MDN1: variants seen among roughly 807,000 people sequenced by gnomAD.
MDN1 encodes the protein midasin.
In MDN1, 266 loss-of-function variants were observed where a neutral mutation model predicts 669.2. The observed-to-expected ratio is 0.40, with a 90% confidence interval of 0.36 to 0.44. The LOEUF is 0.44. Ranked by LOEUF, MDN1 falls within the 20% of genes least tolerant of loss-of-function variation. The pLI is 1.00. For synonymous variants in MDN1, 2,385 were observed against 2,457.1 expected, an observed-to-expected ratio of 0.97 and a Z score of 0.87; for missense variants, 5,940 against 6,754.0, an observed-to-expected ratio of 0.88 and a Z score of 4.22.
At chr6:89,745,145 A>AAG (rs937616093) in intron 29 of MDN1, 128 bp downstream of exon 29, 3 of 964,890 alleles carry the variant, frequency 3.1e-6, no homozygotes, top group Admixed American at 3.8e-5. Context: ...AAAAAAAAAA[A>AAG]AAAAAAAGAA....
chr6:89,750,897 C>CTGGCCAAGTA lies in MDN1; in HGVS notation c.3228-375_3228-366dup, dbSNP rs1449441985. Among the ~76,000 whole-genome samples, 3 of 142,580 alleles carry CTGGCCAAGTA rather than the reference C, an allele frequency of 2.1e-5. No homozygotes were observed. In the Admixed American group the frequency reaches 2.2e-4, roughly 10 times the overall value. 93.5% of individuals were successfully genotyped at this position (142,580 alleles called of 152,430 possible). A position where few individuals can be genotyped will look rare whatever the true frequency, so the allele number is the denominator to read the frequency against. ...GGATTACAGGCATGAGCCACTGCAC[C>CTGGCCAAGTA]TGGCCAAGTATTATTTTGGTTTTTT... On this transcript the variant is annotated intron_variant, in intron 23 of 101. Coordinates refer to ENST00000369393, the MANE Select transcript of MDN1 (RefSeq NM_014611.3).
chr6:89,679,713 G>A (rs1366165240), intron 74 of MDN1, among the ~76,000 whole-genome samples: 4 of 152,184 alleles, frequency 2.6e-5, no homozygotes, highest in African/African-American at 9.6e-5. Flanking sequence ...TGGACTTTTA[G>A]CCTCACACTG....
intron 86 of MDN1, among the ~76,000 whole-genome samples, chr6:89,662,493 C>T (rs536869306): frequency 1.1e-4 from 16 of 152,170 alleles, no homozygotes; most frequent in Non-Finnish European, 1.9e-4. Context: ...TACACTCAGC[C>T]CTGGAGTTCT....
At chr6:89,814,931 C>A in intron 1 of MDN1, 1 of 481,156 alleles carries the variant, frequency 2.1e-6, no homozygotes, top group Non-Finnish European at 4.0e-6. Context: ...CAGGCTGCAG[C>A]TCGCTCAGCT....
chr6:89,760,501 AAT>A (rs1442514660), intron 17 of MDN1, among the ~76,000 whole-genome samples: 1 of 152,114 alleles, frequency 6.6e-6, no homozygotes, highest in Non-Finnish European at 1.5e-5. Context: ...ATCTGAAAAC[AAT>A]ATGTCGAAGG....
chr6:89,793,740 C>G, intron 5 of MDN1, 22 bp downstream of exon 5: 1 of 1,600,726 alleles, frequency 6.2e-7, no homozygotes, highest in East Asian at 2.2e-5. Flanking sequence ...AGGGGACACA[C>G]CCCCTACTGA....
At chr6:89,739,804 G>C (rs1254498337) in intron 32 of MDN1, among the ~76,000 whole-genome samples, 2 of 152,200 alleles carry the variant, frequency 1.3e-5, no homozygotes, top group Non-Finnish European at 2.9e-5. Context: ...AGGGTTCCTG[G>C]TTGTGACTTT....
At chr6:89,760,087 T>C (rs1817464635) in intron 17 of MDN1, among the ~76,000 whole-genome samples, 1 of 151,932 alleles carries the variant, frequency 6.6e-6, no homozygotes, top group Admixed American at 6.6e-5. Flanking sequence ...AAAATAATAA[T>C]AATAATTCTG....
intron 2 of MDN1, among the ~76,000 whole-genome samples, chr6:89,803,060 T>C (rs922033795): frequency 1.3e-5 from 2 of 152,204 alleles, no homozygotes; most frequent in Non-Finnish European, 2.9e-5. Flanking sequence ...TGCCACATGA[T>C]ACAATCCTTG....
intron 82 of MDN1, among the ~76,000 whole-genome samples, chr6:89,671,971 T>C (rs1019445405): frequency 6.6e-6 from 1 of 152,262 alleles, no homozygotes; most frequent in African/African-American, 2.4e-5. Flanking sequence ...ATGGATATTC[T>C]GAATGGTTAG....
intron 34 of MDN1, 52 bp from the exon 35 acceptor site, chr6:89,730,975 C>T: frequency 1.3e-6 from 2 of 1,500,584 alleles, no homozygotes; most frequent in South Asian, 2.4e-5. Context: ...CCAAGCTTCA[C>T]CACCATTAAG....
chr6:89,808,734 A>G (rs1204993473), intron 1 of MDN1, among the ~76,000 whole-genome samples: 3 of 152,150 alleles, frequency 2.0e-5, no homozygotes, highest in Non-Finnish European at 1.5e-5. Flanking sequence ...TCAGTCCTAT[A>G]AGTGATTCCA....
chr6:89,793,462 CA>C (rs1819387941), intron 5 of MDN1, among the ~76,000 whole-genome samples: 1 of 152,142 alleles, frequency 6.6e-6, no homozygotes, highest in South Asian at 2.1e-4. Context: ...CCTGTAATCC[CA>C]ACACTTTGGG....
chr6:89,759,056 C>A lies in MDN1; in HGVS notation c.2461-96G>T, dbSNP rs6937789. On this transcript the variant is annotated intron_variant, in intron 17 of 101. Coordinates refer to ENST00000369393, the MANE Select transcript of MDN1 (RefSeq NM_014611.3). ...AGCAGGGTTAGAAATAGAGGCGGGG[C>A]AAATCTTTCCTACTTGATGGGCCTA... is the stretch of plus-strand genomic sequence containing the variant. The A allele has an allele frequency of 3.2e-6, 4 of 1,236,570 alleles. No individual in the cohort carries two copies. In the African/African-American group the frequency reaches 4.5e-5, roughly 14 times the overall value. 76.6% of individuals were successfully genotyped at this position (1,236,570 alleles called of 1,614,324 possible).
chr6:89,708,909 C>G (rs548252369), intron 50 of MDN1, among the ~76,000 whole-genome samples: 1 of 151,298 alleles, frequency 6.6e-6, no homozygotes, highest in Non-Finnish European at 1.5e-5. Flanking sequence ...ATACAACATT[C>G]CAACCAATGA....
At chr6:89,649,980 A>C in intron 97 of MDN1, 44 bp downstream of exon 97, 1 of 1,601,126 alleles carries the variant, frequency 6.2e-7, no homozygotes, top group South Asian at 1.1e-5. Context: ...ACATAGCTTG[A>C]TGTTAATTTC....
In MDN1 at chr6:89,697,584, A is replaced by AT. The variant is rs778362344; in HGVS notation, c.9169-1011dup. The stretch of plus-strand genomic sequence containing the variant: ...TAATAAACTGACGCTGAACAACCCT[A>AT]TTTTTTTTTTTTTTTGAGACAGGGT... On this transcript the variant is annotated intron_variant, in intron 59 of 101. Coordinates refer to ENST00000369393, the MANE Select transcript of MDN1 (RefSeq NM_014611.3). Among the ~76,000 whole-genome samples, 1,105 of 142,412 alleles carry AT rather than the reference A, an allele frequency of 7.8e-3. 9 individuals carry two copies. The highest frequency in any genetic ancestry group is 0.017 in the African/African-American group (670 of 39,014). The allele number at this position is 142,412 out of a possible 152,430, so 93.4% of individuals were successfully genotyped here. A position where few individuals can be genotyped will look rare whatever the true frequency, so the allele number is the denominator to read the frequency against.
At chr6:89,808,383 C>A (rs994380230) in intron 1 of MDN1, among the ~76,000 whole-genome samples, 1 of 152,020 alleles carries the variant, frequency 6.6e-6, no homozygotes, top group African/African-American at 2.4e-5. Flanking sequence ...TAGTATTGGT[C>A]TAGAAAGGCC....
At chr6:89,758,716 A>T (rs1254042069) in intron 18 of MDN1, 100 bp downstream of exon 18, 2 of 1,191,360 alleles carry the variant, frequency 1.7e-6, no homozygotes, top group Admixed American at 4.6e-5. Context: ...TTCCATTGGG[A>T]GGCCCATGTC....
Sources: allele counts gnomAD v4.1 joint callset (sites outside exome capture counted in the v4.1 genomes callset), GRCh38; gene constraint gnomAD v4.1.1; transcripts MANE v1.5; gene names NCBI Gene and HGNC (gene_info 2026-07-23, HGNC 2026-07-21).